The following OPLAH variants were observed in gnomAD, a reference collection of about 807,000 sequenced individuals.
The protein encoded by OPLAH is 5-oxoprolinase, ATP-hydrolysing.
Under a neutral mutation model 122.8 loss-of-function variants are expected in OPLAH, and 103 were observed. The ratio of observed to expected loss-of-function variants is 0.84; its 90% confidence interval spans 0.71 to 0.99. OPLAH has a LOEUF of 0.99. Ranked by LOEUF, OPLAH falls within the 50% of genes least tolerant of loss-of-function variation. The pLI is 0.00. For missense variants in OPLAH, 1,902 were observed against 1,836.5 expected (o/e 1.04, Z -0.65); for synonymous variants, 875 against 796.0 (o/e 1.10, Z -1.67).
chr8:144,059,095 G>A lies in OPLAH; in HGVS notation c.364-16C>T. 6.4e-7 allele frequency: 1 copy of A among 1,555,490 alleles called. No homozygotes were observed. Among genetic ancestry groups the A allele is most frequent in the Non-Finnish European group, 8.7e-7 (1 of 1,150,566 alleles). On this transcript the variant is annotated splice_polypyrimidine_tract_variant and intron_variant, in intron 3 of 26. Transcript: ENST00000618853. Reference sequence around the variant, plus strand: ...TGGGCACGGCCTGGGGGCGGGCAGAGACTCAGAAGAGGCCCAGGCCTGAGG... The same window carrying A: ...TGGGCACGGCCTGGGGGCGGGCAGAAACTCAGAAGAGGCCCAGGCCTGAGG...
At chr8:144,051,195 G>C (rs983040816), downstream of OPLAH, 3 of 1,462,682 alleles carry the variant, frequency 2.1e-6, no homozygotes, top group African/African-American at 1.5e-5. Flanking sequence ...CCGAGTCTCA[G>C]TGTCCTCCTA....
Position 144,052,807 on chromosome 8 carries a change from A to C in OPLAH, c.3112T>G (p.Cys1038Gly). Residue 1038 changes from cysteine to glycine, a missense_variant, in exon 22 of 27, where the codon TGC (cysteine) becomes GGC (glycine). By Grantham distance (159) the Cys-to-Gly change is radical. Coordinates refer to ENST00000618853, the MANE Select transcript of OPLAH (RefSeq NM_017570.5). ...RAVTLSALIY[C>G]LRCLVGRDIP... is the part of the protein sequence containing the mutation. ...TCGCGGCCCACCAGACAGCGCAGGC[A>C]GTAGATGAGGGCGGACAGGGTTACG... The C allele has an allele frequency of 6.4e-7, 1 of 1,562,782 alleles. No individual in the cohort carries two copies. Among genetic ancestry groups the C allele is most frequent in the Non-Finnish European group, 8.7e-7 (1 of 1,154,596 alleles).
At position 144,055,929 on chromosome 8, in the gene OPLAH, C is replaced by T. The variant is rs1208770636; in HGVS notation, c.2107G>A (p.Val703Met). 14 of 1,584,756 alleles carry T rather than the reference C, an allele frequency of 8.8e-6. No individual in the cohort carries two copies. Among genetic ancestry groups the T allele is most frequent in the Non-Finnish European group, 1.1e-5 (13 of 1,165,404 alleles). ...ACCTCTGCCTGGCAACCTGGCTCCA[C>T]CAGGATGGTGCTGGGGAGCAGAGGG... is the stretch of plus-strand genomic sequence containing the variant. ...LIIDSNSTIL[V>M]EPGCQAEVTK... is the part of the protein sequence containing the mutation. The change falls in exon 16 of 27, where the codon GTG (valine) becomes ATG (methionine). Residue 703 changes from valine (V) to methionine (M), a missense_variant. This residue lies in a region of OPLAH where 1,726 missense variants were observed against 1,642.1 expected (regional missense o/e 1.05). Transcript: ENST00000618853. This position sits in a 1 kb window ranked among gnomAD's most constrained non-coding sequence, Gnocchi z 6.5.
intron 14 of OPLAH, 43 bp downstream of exon 14, chr8:144,056,342 G>T: frequency 6.3e-7 from 1 of 1,594,246 alleles, no homozygotes. Context: ...CCATCCCGGT[G>T]CCCCATGGGT....
chr8:144,060,997 T>C (rs1835653396), upstream of OPLAH, among the ~76,000 whole-genome samples: 1 of 152,140 alleles, frequency 6.6e-6, no homozygotes, highest in Non-Finnish European at 1.5e-5. Context: ...GGCTTCCCAC[T>C]GGCGGACGTC....
At chr8:144,050,683 C>G, downstream of OPLAH, 1 of 985,420 alleles carries the variant, frequency 1.0e-6, no homozygotes, top group Non-Finnish European at 1.2e-6. Flanking sequence ...CCAAGAGCAG[C>G]CCTGGGCCCT....
At chr8:144,050,857 C>T (rs1305630046), downstream of OPLAH, 1 of 991,700 alleles carries the variant, frequency 1.0e-6, no homozygotes, top group African/African-American at 1.7e-5. Context: ...GATGCCGAGG[C>T]GGTGAGTTGC....
At chr8:144,061,388 G>A (rs1554760872), upstream of OPLAH, among the ~76,000 whole-genome samples, 1 of 152,150 alleles carries the variant, frequency 6.6e-6, no homozygotes, top group African/African-American at 2.4e-5. Context: ...CATGTGGCAC[G>A]CGCCTGTAAT....
downstream of OPLAH, chr8:144,050,959 A>G: frequency 9.6e-7 from 1 of 1,045,588 alleles, no homozygotes. Context: ...GAGCAGGAGA[A>G]AGGGCGCCAC....
intron 1 of OPLAH, 116 bp downstream of exon 1, chr8:144,060,537 A>G (rs1355006190): frequency 2.0e-5 from 3 of 153,364 alleles, no homozygotes; most frequent in African/African-American, 7.2e-5. Context: ...GGGCGACCCG[A>G]GGCGGGGACG....
Position 144,052,603 on chromosome 8 carries a change from GC to G in OPLAH, c.3154-6del. The G allele has an allele frequency of 6.3e-7, 1 of 1,587,252 alleles. No homozygotes were observed. The highest frequency in any genetic ancestry group is 1.7e-5 in the Admixed American group (1 of 58,300). On this transcript the variant is annotated splice_region_variant and splice_polypyrimidine_tract_variant and intron_variant, in intron 22 of 26. Coordinates refer to ENST00000618853, the MANE Select transcript of OPLAH (RefSeq NM_017570.5). ...GCGCACTGGCGCCAGGCAGCCCTGT[GC>G]GGGGCGGGCGGCTCTCAGGAGCTCT...
At position 144,055,687 on chromosome 8, in the gene OPLAH, G is replaced by A. The variant is rs1159057697; in HGVS notation, c.2248+101C>T. The A allele has an allele frequency of 2.2e-6, 3 of 1,353,894 alleles. No individual in the cohort carries two copies. 83.9% of individuals were successfully genotyped at this position (1,353,894 alleles called of 1,614,324 possible). ...GCCACACTGCCCGCCCCGTCGCCAGGGGGTCCTGCTTCTGCCTCTCCCTTT... is the reference window on the plus strand; with the variant it reads ...GCCACACTGCCCGCCCCGTCGCCAGAGGGTCCTGCTTCTGCCTCTCCCTTT... On this transcript the variant is annotated intron_variant, in intron 16 of 26. Transcript: ENST00000618853. This position sits in a 1 kb window ranked among gnomAD's most constrained non-coding sequence, Gnocchi z 6.5.
At position 144,051,469 on chromosome 8, in the gene OPLAH, C is replaced by T. The variant is rs782014869; in HGVS notation, c.3724G>A (p.Val1242Met). The stretch of plus-strand genomic sequence containing the variant: ...CCGCCGGGCGTGTGGAGACAGAACA[C>T]ATCCTGTTGGCGCGGGGGGGGGCGG... Reference protein sequence around the residue: ...KTSVTVYPGDVFCLHTPGGGG... With the variant: ...KTSVTVYPGDMFCLHTPGGGG... The change falls in exon 27 of 27, where the codon GTG becomes ATG. Residue 1242 changes from valine (V) to methionine (M), a missense_variant. Physicochemically the swap from Val to Met is conservative, Grantham distance 21. Transcript: ENST00000618853. The T allele has an allele frequency of 5.5e-6, 8 of 1,463,478 alleles. No homozygotes were observed. In the African/African-American group the frequency reaches 1.1e-4, roughly 20 times the overall value. The allele number at this position is 1,463,478 out of a possible 1,614,324, so 90.7% of individuals were successfully genotyped here.
At chr8:144,057,352 C>A in intron 10 of OPLAH, 32 bp from the exon 11 acceptor site, 1 of 1,593,028 alleles carries the variant, frequency 6.3e-7, no homozygotes, top group Non-Finnish European at 8.5e-7. Flanking sequence ...GTGGGCTCTC[C>A]TACTCTACCC....
At chr8:144,051,595 C>G (rs1468948657) in intron 26 of OPLAH, 123 bp from the exon 27 acceptor site, 9 of 1,148,376 alleles carry the variant, frequency 7.8e-6, no homozygotes, top group Non-Finnish European at 1.1e-5. Context: ...CACGGAGGCC[C>G]GGTACGCGCC....
In OPLAH at chr8:144,051,718, G is replaced by C; in HGVS notation, c.3720+11C>G. ...GGAGGGGAGGGGGACAGGACAGGCC[G>C]CGGCCCTTACCCCGGGGTACACGGT... On this transcript the variant is annotated intron_variant, in intron 26 of 26. Coordinates refer to ENST00000618853, the MANE Select transcript of OPLAH (RefSeq NM_017570.5). 1 of 1,588,656 alleles carries C rather than the reference G, an allele frequency of 6.3e-7. No homozygotes were observed. The highest frequency in any genetic ancestry group is 8.5e-7 in the Non-Finnish European group (1 of 1,170,084).
rs374650025 is a variant in OPLAH at position 144,052,882 on chromosome 8, A to C, written c.3037T>G (p.Phe1013Val). The change falls in exon 22 of 27, where the codon TTC becomes GTC. Residue 1013 changes from phenylalanine to valine, a missense_variant. Coordinates refer to ENST00000618853, the MANE Select transcript of OPLAH (RefSeq NM_017570.5). ...AACACCTCCGGCCCAGTGCCGCTGA[A>C]GTCAAACACGGCGCTGCCCTGCGCG... The part of the protein sequence containing the change: ...SLSQGSAVFD[F>V]SGTGPEVFGN... 1 of 1,555,588 alleles carries C rather than the reference A, an allele frequency of 6.4e-7. No individual in the cohort carries two copies. Among genetic ancestry groups the C allele is most frequent in the African/African-American group, 1.4e-5 (1 of 73,220 alleles).
chr8:144,052,633 G>T, intron 22 of OPLAH, 35 bp from the exon 23 acceptor site: 2 of 1,564,024 alleles, frequency 1.3e-6, no homozygotes, highest in East Asian at 4.6e-5. Context: ...GAGCTCTTGG[G>T]GTGGGCTCCG....
At chr8:144,051,078 C>T (rs1295152860), downstream of OPLAH, 10 of 1,353,884 alleles carry the variant, frequency 7.4e-6, no homozygotes, top group South Asian at 1.0e-4. Flanking sequence ...GGGCCTGCGG[C>T]ACTGGGACGA....
Sources: allele counts gnomAD v4.1 joint callset (sites outside exome capture counted in the v4.1 genomes callset), GRCh38; gene constraint gnomAD v4.1.1; regional missense constraint gnomAD v4.1.1; non-coding constraint Gnocchi (gnomAD v3.1); transcripts MANE v1.5; gene names NCBI Gene and HGNC (gene_info 2026-07-23, HGNC 2026-07-21).